Variants in STYXL2 observed in about 807,000 individuals in gnomAD.
The protein encoded by STYXL2 is serine/threonine/tyrosine interacting like 2, also known as serine/threonine/tyrosine-interacting-like protein 2.
Under a neutral mutation model 52.4 loss-of-function variants are expected in STYXL2, and 44 were observed. That is an observed-to-expected ratio of 0.84 (90% confidence interval 0.66 to 1.08). The LOEUF is 1.08. STYXL2 is among the 50% of genes least tolerant of loss of function. STYXL2 has a pLI of 0.00. For missense variants in STYXL2, 1,604 were observed against 1,471.7 expected, an observed-to-expected ratio of 1.09 and a Z score of -1.47; for synonymous variants, 604 against 586.9, an observed-to-expected ratio of 1.03 and a Z score of -0.42.
At chr1:167,119,631 A>G (rs1316698178) in intron 5 of STYXL2, among the ~76,000 whole-genome samples, 165 bp downstream of exon 5, 1 of 152,226 alleles carries the variant, frequency 6.6e-6, no homozygotes, top group Admixed American at 6.5e-5. Context: ...TTCATCCAGT[A>G]AGTAATTACT....
At chr1:167,114,756 G>A (rs1667690972) in intron 3 of STYXL2, among the ~76,000 whole-genome samples, 1 of 152,052 alleles carries the variant, frequency 6.6e-6, no homozygotes, top group Non-Finnish European at 1.5e-5. Context: ...CTGCTTTGGG[G>A]GATTTTTTTT....
chr1:167,113,636 G>C, intron 2 of STYXL2, 74 bp from the exon 3 acceptor site: 1 of 1,174,488 alleles, frequency 8.5e-7, no homozygotes, highest in South Asian at 1.2e-5. Flanking sequence ...ATCAAAGCCA[G>C]GTTTCTCATC....
In STYXL2 at chr1:167,127,398, C is replaced by G; in HGVS notation, c.2267C>G (p.Ala756Gly). ...TCACCGTCTGTTGCAAGCATGAAGG[C>G]AGTACCAGCGGCTAGCTGCCTGGGG... The part of the protein sequence containing the change: ...SRSPSVASMK[A>G]VPAASCLGDD... Residue 756 changes from alanine to glycine, a missense_variant, in exon 6 of 6, where the codon GCA becomes GGA. Transcript: ENST00000361200. 3 of 1,614,136 alleles carry G rather than the reference C, an allele frequency of 1.9e-6. No homozygotes were observed. The highest frequency in any genetic ancestry group is 2.5e-6 in the Non-Finnish European group (3 of 1,180,024).
chr1:167,108,227 C>A (rs774722423), intron 2 of STYXL2, among the ~76,000 whole-genome samples: 1 of 152,178 alleles, frequency 6.6e-6, no homozygotes, highest in Non-Finnish European at 1.5e-5. Flanking sequence ...TCCACTCACT[C>A]AGTCATCAAA....
chr1:167,127,818 T>C lies in STYXL2; in HGVS notation c.2687T>C (p.Phe896Ser), dbSNP rs1310152256. ...GACACTGACAGTGCCATAGGGAGCT[T>C]CCGATATTCTTCCCGCAGTAATTCC... ...DEDTDSAIGS[F>S]RYSSRSNSQK... The change falls in exon 6 of 6, where the codon TTC becomes TCC. Residue 896 changes from phenylalanine to serine, a missense_variant. Coordinates refer to ENST00000361200, the MANE Select transcript of STYXL2 (RefSeq NM_001080426.3). 6.2e-7 allele frequency: 1 copy of C among 1,613,600 alleles called. No homozygotes were observed. The highest frequency in any genetic ancestry group is 8.5e-7 in the Non-Finnish European group (1 of 1,179,998).
At chr1:167,114,504 G>A (rs1475503045) in intron 3 of STYXL2, among the ~76,000 whole-genome samples, 1 of 152,126 alleles carries the variant, frequency 6.6e-6, no homozygotes, top group Admixed American at 6.5e-5. Flanking sequence ...TGGCCTTTGG[G>A]CTTAATCTCT....
intron 2 of STYXL2, among the ~76,000 whole-genome samples, chr1:167,111,476 A>G (rs1667615607): frequency 1.9e-5 from 1 of 51,426 alleles, no homozygotes; most frequent in Non-Finnish European, 3.6e-5. Flanking sequence ...GTACATATAT[A>G]TATATATATA....
chr1:167,102,155 G>C (rs1558018217), intron 2 of STYXL2, among the ~76,000 whole-genome samples: 2 of 152,002 alleles, frequency 1.3e-5, no homozygotes, highest in Non-Finnish European at 2.9e-5. Context: ...ATAGGGCAGG[G>C]AGGGGGTGAG....
At chr1:167,104,685 C>A (rs1424543583) in intron 2 of STYXL2, among the ~76,000 whole-genome samples, 2 of 152,204 alleles carry the variant, frequency 1.3e-5, no homozygotes, top group African/African-American at 4.8e-5. Context: ...TTACTGACTT[C>A]TCTTCTTCCT....
Position 167,125,896 on chromosome 1 carries a change from G to T in STYXL2, c.765G>T (p.Val255=), listed in dbSNP as rs746789266. 1.7e-5 allele frequency: 28 copies of T among 1,614,012 alleles called. No individual in the cohort carries two copies. The highest frequency in any genetic ancestry group is 2.4e-5 in the Non-Finnish European group (28 of 1,180,024). ...NMAILEALMT[V]RKKRAIYPNE... ...CCATCCTGGAGGCTTTGATGACCGTGCGTAAGAAGCGGGCCATCTACCCCA... is the reference window on the plus strand; with the variant it reads ...CCATCCTGGAGGCTTTGATGACCGTTCGTAAGAAGCGGGCCATCTACCCCA... Residue 255 remains valine, a synonymous_variant, in exon 6 of 6, where the codon GTG becomes GTT. Transcript: ENST00000361200.
chr1:167,111,547 A>G (rs1667623740), intron 2 of STYXL2, among the ~76,000 whole-genome samples: 1 of 144,532 alleles, frequency 6.9e-6, no homozygotes, highest in South Asian at 2.2e-4. Context: ...TATATATACT[A>G]TGGAATAATA....
intron 2 of STYXL2, among the ~76,000 whole-genome samples, chr1:167,102,065 A>T (rs1667414294): frequency 6.6e-6 from 1 of 152,004 alleles, no homozygotes; most frequent in Non-Finnish European, 1.5e-5. Context: ...ATACTATATT[A>T]TTCCATTTAT....
chr1:167,103,956 C>T (rs1667454739), intron 2 of STYXL2, among the ~76,000 whole-genome samples: 1 of 152,068 alleles, frequency 6.6e-6, no homozygotes, highest in African/African-American at 2.4e-5. Context: ...CCCGTCTCTA[C>T]TAAAAATAGA....
intron 2 of STYXL2, among the ~76,000 whole-genome samples, chr1:167,097,183 A>C (rs549283303): frequency 2.0e-5 from 3 of 152,300 alleles, no homozygotes; most frequent in Admixed American, 2.0e-4. Context: ...CTCCATAGCC[A>C]CGTTGAAGAC....
At chr1:167,116,854 T>C (rs1667735294) in intron 3 of STYXL2, among the ~76,000 whole-genome samples, 1 of 152,146 alleles carries the variant, frequency 6.6e-6, no homozygotes, top group African/African-American at 2.4e-5. Flanking sequence ...TTCACCATGT[T>C]GGTCAGATTG....
intron 3 of STYXL2, among the ~76,000 whole-genome samples, chr1:167,114,407 C>G (rs1279533172): frequency 1.3e-5 from 2 of 152,202 alleles, no homozygotes; most frequent in South Asian, 4.1e-4. Context: ...CTTCCCCTTT[C>G]TTCTCCCTTC....
In STYXL2 at chr1:167,127,854, A is replaced by G; in HGVS notation, c.2723A>G (p.Glu908Gly). ...YSSRSNSQKP[E>G]TDTCSSLAVC... Reference sequence around the variant, plus strand: ...TCCCGCAGTAATTCCCAGAAACCTGAAACAGACACATGCTCCTCCCTGGCT... The same window carrying G: ...TCCCGCAGTAATTCCCAGAAACCTGGAACAGACACATGCTCCTCCCTGGCT... The change falls in exon 6 of 6, where the codon GAA becomes GGA. Residue 908 changes from glutamate (E) to glycine (G), a missense_variant. Glu to Gly is a moderately conservative substitution (Grantham distance 98, BLOSUM62 -2). Coordinates refer to ENST00000361200, the MANE Select transcript of STYXL2 (RefSeq NM_001080426.3). 1.2e-6 allele frequency: 2 copies of G among 1,613,940 alleles called. No individual in the cohort carries two copies. Among genetic ancestry groups the G allele is most frequent in the Non-Finnish European group, 1.7e-6 (2 of 1,180,022 alleles).
At chr1:167,119,746 A>C (rs1667811785) in intron 5 of STYXL2, among the ~76,000 whole-genome samples, 1 of 152,188 alleles carries the variant, frequency 6.6e-6, no homozygotes, top group African/African-American at 2.4e-5. Flanking sequence ...CAGAAAATGA[A>C]AAAAAGAGAA....
In STYXL2 at chr1:167,125,773, T is replaced by A; in HGVS notation, c.656-14T>A. ...ACTGTCATTACATCATTTTCTCTTGTGTTTTCATTTCAGGGAAAGTCCTGG... is the reference window on the plus strand; with the variant it reads ...ACTGTCATTACATCATTTTCTCTTGAGTTTTCATTTCAGGGAAAGTCCTGG... On this transcript the variant is annotated splice_polypyrimidine_tract_variant and intron_variant, in intron 5 of 5. Transcript: ENST00000361200. 1.3e-6 allele frequency: 2 copies of A among 1,566,650 alleles called. No individual in the cohort carries two copies. Among genetic ancestry groups the A allele is most frequent in the Non-Finnish European group, 8.6e-7 (1 of 1,158,430 alleles).
Sources: allele counts gnomAD v4.1 joint callset (sites outside exome capture counted in the v4.1 genomes callset), GRCh38; gene constraint gnomAD v4.1.1; transcripts MANE v1.5; gene names NCBI Gene and HGNC (gene_info 2026-07-23, HGNC 2026-07-21).